JMJD1C: variants seen among roughly 807,000 people sequenced by gnomAD.
JMJD1C encodes the protein jumonji domain-containing protein 1C.
JMJD1C carries 31 observed loss-of-function variants against 245.3 expected under a neutral mutation model. The ratio of observed to expected loss-of-function variants is 0.13; its 90% CI spans 0.09 to 0.17. The LOEUF (loss-of-function observed/expected upper bound fraction) is 0.17. Ranked by LOEUF, JMJD1C falls within the 10% of genes least tolerant of loss-of-function variation. The pLI is 1.00. For missense variants in JMJD1C, 2,691 were observed against 3,000.2 expected, an observed-to-expected ratio of 0.90 and a Z score of 2.41; for synonymous variants, 1,057 against 1,017.4, an observed-to-expected ratio of 1.04 and a Z score of -0.74.
At chr10:63,507,087 G>A (rs919348923) in intron 1 of JMJD1C, among the ~76,000 whole-genome samples, 1 of 152,054 alleles carries the variant, frequency 6.6e-6, no homozygotes, top group African/African-American at 2.4e-5. Flanking sequence ...GTCTCTTCAA[G>A]GCCTGATAGC....
In JMJD1C at chr10:63,207,141, G is replaced by C. The variant is rs1846724931; in HGVS notation, c.4528C>G (p.Gln1510Glu). 6.2e-7 allele frequency: 1 copy of C among 1,614,124 alleles called. No individual in the cohort carries two copies. The highest frequency in any genetic ancestry group is 1.7e-5 in the Admixed American group (1 of 60,020). Reference protein sequence around the residue: ...SETEPNAIKNQTLSASLPLDS... With the variant: ...SETEPNAIKNETLSASLPLDS... ...AGAGGAAGGGAGGCTGAAAGTGTCT[G>C]ATTTTTTATAGCATTAGGTTCAGTC... is the stretch of plus-strand genomic sequence containing the variant. Residue 1510 changes from glutamine to glutamate, a missense_variant, in exon 10 of 26, where the codon CAG becomes GAG. This residue lies in a region of JMJD1C where 1,562 missense variants were observed against 1,490.7 expected (regional missense o/e 1.05). Transcript: ENST00000399262.
At chr10:63,455,536 T>C (rs1170870561) in intron 1 of JMJD1C, among the ~76,000 whole-genome samples, 2 of 152,212 alleles carry the variant, frequency 1.3e-5, no homozygotes, top group Admixed American at 6.5e-5. Flanking sequence ...AATGACACAC[T>C]GGATTCTTAT....
intron 2 of JMJD1C, among the ~76,000 whole-genome samples, chr10:63,281,927 TC>T (rs1857450956): frequency 1.3e-5 from 2 of 152,312 alleles, no homozygotes; most frequent in East Asian, 1.9e-4. Context: ...AAATAAAATG[TC>T]CTCAATCTTG....
chr10:63,204,185 C>G lies in JMJD1C; in HGVS notation c.5074+2410G>C. 4.1e-6 allele frequency: 4 copies of G among 985,252 alleles called. No homozygotes were observed. In the South Asian group the frequency reaches 1.4e-4, roughly 35 times the overall value. The allele number at this position is 985,252 out of a possible 1,614,324, so 61.0% of individuals were successfully genotyped here. A position where few individuals can be genotyped will look rare whatever the true frequency, so the allele number is the denominator to read the frequency against. On this transcript the variant is annotated intron_variant, in intron 10 of 25. Coordinates refer to ENST00000399262, the MANE Select transcript of JMJD1C (RefSeq NM_032776.3). Reference sequence around the variant, plus strand: ...AGCCTAGAACAAAAGCAAGTCAACTCTGTCCACAATTAATAGATGACATCT... The same window carrying G: ...AGCCTAGAACAAAAGCAAGTCAACTGTGTCCACAATTAATAGATGACATCT...
chr10:63,297,763 G>A (rs1337556101), intron 2 of JMJD1C, among the ~76,000 whole-genome samples: 8 of 152,172 alleles, frequency 5.3e-5, no homozygotes, highest in East Asian at 3.9e-4. Context: ...CAGCTGGAGC[G>A]GGATGGCAGG....
intron 13 of JMJD1C, 48 bp downstream of exon 13, chr10:63,197,363 A>G (rs749522771): frequency 1.3e-5 from 20 of 1,490,092 alleles, no homozygotes; most frequent in Non-Finnish European, 1.8e-5. Flanking sequence ...GAGTGATCCT[A>G]AAGAAAAATT....
At chr10:63,400,629 C>G in intron 1 of JMJD1C, among the ~76,000 whole-genome samples, 1 of 152,102 alleles carries the variant, frequency 6.6e-6, no homozygotes. Flanking sequence ...ATGGCACAAC[C>G]TTGGCTCACT....
chr10:63,207,272 ACACTTC>A lies in JMJD1C; in HGVS notation c.4391_4396del (p.Gly1464_Ser1465del). On this transcript the variant is annotated inframe_deletion, in exon 10 of 26. Transcript: ENST00000399262. ...TGAGAACCCAGAACTGGGTTGAACA[ACACTTC>A]CTGTCTTACTACTGGCTAATGTAAC... The A allele has an allele frequency of 6.2e-7, 1 of 1,613,940 alleles. No individual in the cohort carries two copies. The highest frequency in any genetic ancestry group is 8.5e-7 in the Non-Finnish European group (1 of 1,180,034).
At chr10:63,201,833 G>C (rs962516003) in intron 10 of JMJD1C, among the ~76,000 whole-genome samples, 6 of 151,904 alleles carry the variant, frequency 3.9e-5, no homozygotes, top group African/African-American at 1.5e-4. Flanking sequence ...GGGAGGCTGA[G>C]GCAGGAGAAT....
chr10:63,260,360 A>G (rs934222177), intron 3 of JMJD1C, among the ~76,000 whole-genome samples: 3 of 152,182 alleles, frequency 2.0e-5, no homozygotes, highest in Non-Finnish European at 2.9e-5. Flanking sequence ...ATTCTCTATG[A>G]AGCAACCCCA....
chr10:63,412,627 ATGTT>A (rs1465635093), intron 1 of JMJD1C, among the ~76,000 whole-genome samples: 8 of 152,208 alleles, frequency 5.3e-5, no homozygotes, highest in East Asian at 1.9e-4. Context: ...CTGCATCTTT[ATGTT>A]TGTTTATATT....
At chr10:63,246,577 C>A (rs1307650976) in intron 3 of JMJD1C, among the ~76,000 whole-genome samples, 1 of 151,560 alleles carries the variant, frequency 6.6e-6, no homozygotes, top group African/African-American at 2.4e-5. Flanking sequence ...ACTCATCTTA[C>A]AGGAATGTAA....
chr10:63,238,579 T>C (rs1478903659), intron 3 of JMJD1C, among the ~76,000 whole-genome samples: 1 of 152,218 alleles, frequency 6.6e-6, no homozygotes, highest in Non-Finnish European at 1.5e-5. Flanking sequence ...TTATAATCGA[T>C]GTAAACTGTA....
At chr10:63,324,268 C>T (rs1247863195) in intron 2 of JMJD1C, among the ~76,000 whole-genome samples, 2 of 151,814 alleles carry the variant, frequency 1.3e-5, no homozygotes, top group East Asian at 1.9e-4. Flanking sequence ...AACACTATCT[C>T]GTATATCCTT....
intron 2 of JMJD1C, among the ~76,000 whole-genome samples, chr10:63,341,232 T>C (rs1181494169): frequency 6.6e-6 from 1 of 152,242 alleles, no homozygotes; most frequent in East Asian, 1.9e-4. Flanking sequence ...TAAAGGTTTA[T>C]GGTGATAAAG....
chr10:63,290,000 T>G (rs1423022949), intron 2 of JMJD1C, among the ~76,000 whole-genome samples: 2 of 151,792 alleles, frequency 1.3e-5, no homozygotes, highest in Admixed American at 1.3e-4. Context: ...GTGAACAAAA[T>G]CAAATATTAC....
Position 63,189,520 on chromosome 10 carries a change from A to AT in JMJD1C, c.6292-75dup, listed in dbSNP as rs889567490. On this transcript the variant is annotated intron_variant, in intron 17 of 25. Transcript: ENST00000399262. ...AAATACATTTTCCTCCCACAGACTT[A>AT]TTTTTTTTTAAACAATATCCCTACA... is the stretch of plus-strand genomic sequence containing the variant. The AT allele has an allele frequency of 8.4e-4, 1,068 of 1,268,132 alleles. 1 individual carries two copies. The highest frequency in any genetic ancestry group is 2.3e-3 in the Middle Eastern group (9 of 3,832). 78.6% of individuals were successfully genotyped at this position (1,268,132 alleles called of 1,614,324 possible).
chr10:63,474,095 A>AAAT (rs944593808), intron 1 of JMJD1C, among the ~76,000 whole-genome samples: 1 of 148,754 alleles, frequency 6.7e-6, no homozygotes, highest in Non-Finnish European at 1.5e-5. Flanking sequence ...ACACTAAAAA[A>AAAT]AATAATAATA....
In JMJD1C at chr10:63,309,789, C is replaced by T. The variant is rs191568896; in HGVS notation, c.334-45025G>A. Among the ~76,000 whole-genome samples the T allele has an allele frequency of 1.7e-3, 261 of 152,054 alleles. 2 individuals are homozygous for T. Among genetic ancestry groups the T allele is most frequent in the Non-Finnish European group, 2.1e-3 (141 of 68,012 alleles). ...AAAATTAGCTGGGTGTGGTGGCGCA[C>T]GCCTGTAATCTCAGCTACTCAGGAG... On this transcript the variant is annotated intron_variant, in intron 2 of 25. Coordinates refer to ENST00000399262, the MANE Select transcript of JMJD1C (RefSeq NM_032776.3).
Sources: gnomAD v4.1 joint callset for allele counts (sites outside exome capture counted in the v4.1 genomes callset) on GRCh38, gnomAD v4.1.1 for gene constraint, gnomAD v4.1.1 regional missense constraint, MANE v1.5 for transcripts, NCBI Gene and HGNC (gene_info 2026-07-23, HGNC 2026-07-21) for gene names.